SLC12A7: variants seen among roughly 807,000 people sequenced by gnomAD.
SLC12A7 encodes the protein K-Cl cotransporter 4.
SLC12A7 carries 100 observed loss-of-function variants against 120.6 expected under a neutral mutation model. The observed-to-expected ratio is 0.83, with a 90% CI of 0.71 to 0.98. The LOEUF (loss-of-function observed/expected upper bound fraction) is 0.98. Among genes scored for constraint, SLC12A7 ranks in the 50% least tolerant of loss-of-function variants. The pLI, the probability that SLC12A7 is intolerant of heterozygous loss-of-function variation, is 0.00. For missense variants in SLC12A7, 1,373 were observed against 1,548.1 expected (o/e 0.89, Z 1.90); for synonymous variants, 760 against 678.0 (o/e 1.12, Z -1.88).
At chr5:1,082,160 C>T (rs968648707) in intron 8 of SLC12A7, among the ~76,000 whole-genome samples, 6 of 139,496 alleles carry the variant, frequency 4.3e-5, no homozygotes, top group African/African-American at 1.1e-4. Flanking sequence ...CCGGGCTTCC[C>T]GTCTCAGGTT....
intron 21 of SLC12A7, among the ~76,000 whole-genome samples, 157 bp from the exon 22 acceptor site, chr5:1,057,806 G>C (rs1198702227): frequency 6.6e-6 from 1 of 152,138 alleles, no homozygotes; most frequent in South Asian, 2.1e-4. Flanking sequence ...CACTGGTCCT[G>C]CGCCGCCCCC....
the SLC12A7 span, among the ~76,000 whole-genome samples, chr5:1,147,487 C>G: frequency 2.0e-5 from 3 of 152,142 alleles, no homozygotes; most frequent in African/African-American, 7.2e-5. Context: ...GCCCTCTGTC[C>G]TCTCGGGGCC....
chr5:1,132,702 G>A, the SLC12A7 span, among the ~76,000 whole-genome samples: 4 of 151,998 alleles, frequency 2.6e-5, no homozygotes, highest in South Asian at 2.1e-4. Flanking sequence ...ACATCTCCTT[G>A]GCGTGCTCCG....
In SLC12A7 at chr5:1,064,176, C is replaced by A. The variant is rs1293908831; in HGVS notation, c.2514G>T (p.Gln838His). ...CGATGTGGCCCCCGCCGAAGCGCTCCTGGTTTTGCGGAAACGAGTCGACGT... is the reference window on the plus strand; with the variant it reads ...CGATGTGGCCCCCGCCGAAGCGCTCATGGTTTTGCGGAAACGAGTCGACGT... The part of the protein sequence containing the change: ...AKNVDSFPQN[Q>H]ERFGGGHIDV... The change falls in exon 19 of 24, where the codon CAG becomes CAT. Residue 838 changes from glutamine to histidine, a missense_variant. By Grantham distance (24) the Gln-to-His change is conservative. Transcript: ENST00000264930. 1 of 1,612,388 alleles carries A rather than the reference C, an allele frequency of 6.2e-7. No homozygotes were observed. The highest frequency in any genetic ancestry group is 8.5e-7 in the Non-Finnish European group (1 of 1,179,682).
chr5:1,152,751 C>T, the SLC12A7 span, among the ~76,000 whole-genome samples: 2 of 152,148 alleles, frequency 1.3e-5, no homozygotes, highest in African/African-American at 4.8e-5. Flanking sequence ...AGTACAAAGT[C>T]GGTGTGGATT....
intron 1 of SLC12A7, among the ~76,000 whole-genome samples, chr5:1,108,253 T>A (rs1235845553): frequency 1.3e-5 from 2 of 152,226 alleles, no homozygotes; most frequent in African/African-American, 2.4e-5. Context: ...AAGGAGAGCC[T>A]CTTGCCGGGA....
the SLC12A7 span, among the ~76,000 whole-genome samples, chr5:1,143,234 C>T: frequency 1.7e-4 from 26 of 152,234 alleles, no homozygotes; most frequent in Admixed American, 1.7e-3. Flanking sequence ...CCAGTCCTGT[C>T]GGATAAGGGG....
At chr5:1,136,168 C>T in the SLC12A7 span, among the ~76,000 whole-genome samples, 1 of 152,194 alleles carries the variant, frequency 6.6e-6, no homozygotes, top group Non-Finnish European at 1.5e-5. Context: ...TCTGCTCCTG[C>T]AGGCACTGCT....
chr5:1,134,550 C>T, the SLC12A7 span, among the ~76,000 whole-genome samples: 3,507 of 152,118 alleles, frequency 0.023, 155 homozygotes, highest in African/African-American at 0.08. Context: ...TGTGAAAATA[C>T]GGGGCCCTTG....
At chr5:1,140,243 C>A in the SLC12A7 span, among the ~76,000 whole-genome samples, 1 of 152,230 alleles carries the variant, frequency 6.6e-6, no homozygotes, top group Admixed American at 6.5e-5. Flanking sequence ...GGAACCCAGG[C>A]AGATCCCCCT....
At chr5:1,153,822 A>G in the SLC12A7 span, among the ~76,000 whole-genome samples, 11 of 152,274 alleles carry the variant, frequency 7.2e-5, no homozygotes, top group African/African-American at 2.6e-4. Flanking sequence ...AACTAGAGAG[A>G]AAACTTTGTG....
the SLC12A7 span, among the ~76,000 whole-genome samples, chr5:1,122,085 C>T: frequency 7.2e-5 from 11 of 152,292 alleles, no homozygotes; most frequent in East Asian, 1.4e-3. Context: ...CCCACGGCAA[C>T]GCAGCCCCCA....
chr5:1,084,067 C>A (rs1379713129), intron 7 of SLC12A7, 111 bp from the exon 8 acceptor site: 5 of 830,438 alleles, frequency 6.0e-6, no homozygotes, highest in Non-Finnish European at 9.7e-6. Flanking sequence ...TGGCTCCTGG[C>A]ACCCTGCACC....
chr5:1,137,114 A>G, the SLC12A7 span, among the ~76,000 whole-genome samples: 3 of 152,218 alleles, frequency 2.0e-5, no homozygotes, highest in African/African-American at 7.2e-5. Flanking sequence ...CTGGCTGCAC[A>G]GAGCCACACC....
In SLC12A7 at chr5:1,052,327, G is replaced by A; in HGVS notation, c.*33C>T. ...CCAGGCTGCCCACGCCGTCCTCCGT[G>A]CCTGTCCCAGAGTGCCGTGATGCTG... On this transcript the variant is annotated 3_prime_UTR_variant, in exon 24 of 24. Transcript: ENST00000264930. 7 of 1,580,544 alleles carry A rather than the reference G, an allele frequency of 4.4e-6. No individual in the cohort carries two copies. The highest frequency in any genetic ancestry group is 6.1e-6 in the Non-Finnish European group (7 of 1,150,656).
At chr5:1,076,564 G>T in intron 13 of SLC12A7, 130 bp downstream of exon 13, 2 of 716,202 alleles carry the variant, frequency 2.8e-6, no homozygotes, top group Non-Finnish European at 4.7e-6. Flanking sequence ...TCCCTTCCCG[G>T]CAGGATCCTG....
At chr5:1,102,568 C>T (rs1164051548) in intron 1 of SLC12A7, among the ~76,000 whole-genome samples, 1 of 152,242 alleles carries the variant, frequency 6.6e-6, no homozygotes, top group Non-Finnish European at 1.5e-5. Flanking sequence ...TCCGCCCCTT[C>T]CTGCCCTCCA....
chr5:1,073,466 C>T (rs948451153), intron 17 of SLC12A7, among the ~76,000 whole-genome samples, 167 bp downstream of exon 17: 4 of 152,234 alleles, frequency 2.6e-5, no homozygotes, highest in Non-Finnish European at 4.4e-5. Context: ...CTGGTGCTCC[C>T]AGGCCTTAGC....
chr5:1,089,276 G>C (rs907917694), intron 3 of SLC12A7, 148 bp from the exon 4 acceptor site: 2 of 811,924 alleles, frequency 2.5e-6, no homozygotes, highest in African/African-American at 3.5e-5. Flanking sequence ...TGGAGGTTCA[G>C]AGAGAGGCCC....
Sources: gnomAD v4.1 joint callset for allele counts (sites outside exome capture counted in the v4.1 genomes callset) on GRCh38, gnomAD v4.1.1 for gene constraint, MANE v1.5 for transcripts, NCBI Gene and HGNC (gene_info 2026-07-23, HGNC 2026-07-21) for gene names.